Variants in SNAP25 observed in about 807,000 individuals in gnomAD.
SNAP25 encodes synaptosomal-associated protein 25.
A neutral mutation model predicts 28.7 loss-of-function variants in SNAP25; 3 were observed. That is an observed-to-expected ratio of 0.10 (90% CI 0.05 to 0.27). SNAP25 has a LOEUF of 0.27. SNAP25 is among the 10% of genes least tolerant of loss of function. The probability of loss-of-function intolerance (pLI) is 1.00; values close to 1 mark genes in which losing one functional copy is unlikely to be tolerated. For synonymous variants in SNAP25, 61 were observed against 88.1 expected, an observed-to-expected ratio of 0.69 and a Z score of 1.72; for missense variants, 117 against 278.7, an observed-to-expected ratio of 0.42 and a Z score of 4.13.
chr20:10,238,308 T>A (rs959525854), intron 1 of SNAP25, among the ~76,000 whole-genome samples: 1 of 152,204 alleles, frequency 6.6e-6, no homozygotes, highest in African/African-American at 2.4e-5. Flanking sequence ...CAAATTGAAC[T>A]GCTTGATTTG....
At chr20:10,255,776 A>T (rs904837652) in intron 1 of SNAP25, among the ~76,000 whole-genome samples, 1 of 152,196 alleles carries the variant, frequency 6.6e-6, no homozygotes, top group Non-Finnish European at 1.5e-5. Context: ...CTTTGTTAAT[A>T]TGGCTTTGAT....
Position 10,280,285 on chromosome 20 carries a change from T to C in SNAP25, c.114+2559T>C, listed in dbSNP as rs141746580. 2.2e-3 allele frequency among the ~76,000 whole-genome samples: 334 copies of C among 152,288 alleles called. 3 individuals are homozygous for C. The highest frequency in any genetic ancestry group is 7.6e-3 in the African/African-American group (317 of 41,554). On this transcript the variant is annotated intron_variant, in intron 3 of 7. Transcript: ENST00000254976. Reference sequence around the variant, plus strand: ...GTCATCATTATCAGCATCTCAAGGATAGTGTAAAACTACACAGAGGTGAGT... The same window carrying C: ...GTCATCATTATCAGCATCTCAAGGACAGTGTAAAACTACACAGAGGTGAGT...
chr20:10,242,967 G>C (rs978276715), intron 1 of SNAP25, among the ~76,000 whole-genome samples: 1 of 152,196 alleles, frequency 6.6e-6, no homozygotes, highest in Non-Finnish European at 1.5e-5. Flanking sequence ...GGCTCTTCCT[G>C]TCCCCTGCTC....
intron 1 of SNAP25, among the ~76,000 whole-genome samples, chr20:10,241,208 G>C (rs2063025563): frequency 6.6e-6 from 1 of 152,042 alleles, no homozygotes; most frequent in Non-Finnish European, 1.5e-5. Context: ...GGGTGCAGTG[G>C]GGGAAGTGAG....
At chr20:10,294,822 A>T (rs997885749) in intron 5 of SNAP25, among the ~76,000 whole-genome samples, 1 of 151,180 alleles carries the variant, frequency 6.6e-6, no homozygotes, top group Non-Finnish European at 1.5e-5. Context: ...ATTACCAAGC[A>T]TTCCAGTTAG....
intron 1 of SNAP25, among the ~76,000 whole-genome samples, chr20:10,264,628 C>T (rs754982918): frequency 2.0e-5 from 3 of 152,132 alleles, no homozygotes; most frequent in South Asian, 2.1e-4. Context: ...TGGGGAGCCG[C>T]GTTCTTGTGT....
At chr20:10,264,279 G>A (rs1021955135) in intron 1 of SNAP25, among the ~76,000 whole-genome samples, 1 of 152,136 alleles carries the variant, frequency 6.6e-6, no homozygotes, top group East Asian at 1.9e-4. Flanking sequence ...CTTCTCAGAA[G>A]AAACCAGATC....
chr20:10,293,360 A>ATCCTGCC lies in SNAP25; in HGVS notation c.281+83_281+84insCCTGCCT. 1 of 1,019,296 alleles carries ATCCTGCC rather than the reference A, an allele frequency of 9.8e-7. No individual in the cohort carries two copies. The highest frequency in any genetic ancestry group is 1.5e-6 in the Non-Finnish European group (1 of 645,822). 63.1% of individuals were successfully genotyped at this position (1,019,296 alleles called of 1,614,324 possible). On this transcript the variant is annotated intron_variant, in intron 5 of 7. Transcript: ENST00000254976. The surrounding 1 kb of genome is among the most constrained non-coding windows in gnomAD (Gnocchi z 5.6). ...TGACAAGCTCATTCCTGCCAAGCTC[A>ATCCTGCC]TAGGCAGGATGAGCATGTGGCATGC...
At chr20:10,243,075 G>C (rs898978595) in intron 1 of SNAP25, among the ~76,000 whole-genome samples, 1 of 152,200 alleles carries the variant, frequency 6.6e-6, no homozygotes, top group Non-Finnish European at 1.5e-5. Context: ...TGGCTTTACC[G>C]TTCAGCTGTG....
At chr20:10,255,981 A>G (rs753519569) in intron 1 of SNAP25, among the ~76,000 whole-genome samples, 3 of 152,172 alleles carry the variant, frequency 2.0e-5, no homozygotes, top group Non-Finnish European at 4.4e-5. Flanking sequence ...GGCATAAACA[A>G]TGTTTCAAAG....
chr20:10,286,344 T>G (rs1433633999), intron 4 of SNAP25, among the ~76,000 whole-genome samples: 3 of 152,060 alleles, frequency 2.0e-5, no homozygotes, highest in African/African-American at 7.2e-5. Context: ...AAGAGATTTG[T>G]TGGGGAAATG....
chr20:10,247,844 T>A (rs2063156402), intron 1 of SNAP25, among the ~76,000 whole-genome samples: 1 of 152,226 alleles, frequency 6.6e-6, no homozygotes, highest in African/African-American at 2.4e-5. Flanking sequence ...AACTTAAAAC[T>A]TAGAGGCTTC....
At chr20:10,233,135 G>A (rs1264552850) in intron 1 of SNAP25, among the ~76,000 whole-genome samples, 3 of 152,088 alleles carry the variant, frequency 2.0e-5, no homozygotes, top group African/African-American at 7.2e-5. Flanking sequence ...TCTGGTTCAC[G>A]TCTTTCCTCC....
At chr20:10,249,532 C>A (rs2063188370) in intron 1 of SNAP25, among the ~76,000 whole-genome samples, 1 of 152,136 alleles carries the variant, frequency 6.6e-6, no homozygotes, top group South Asian at 2.1e-4. Context: ...AAAAAAATAA[C>A]CCTCCTGTGA....
At chr20:10,301,094 A>G (rs2064224615) in intron 7 of SNAP25, among the ~76,000 whole-genome samples, 1 of 152,216 alleles carries the variant, frequency 6.6e-6, no homozygotes, top group Non-Finnish European at 1.5e-5. Context: ...GTCTTTACTA[A>G]TAGAAGGGTC....
chr20:10,297,812 T>G (rs1184754125), intron 6 of SNAP25, among the ~76,000 whole-genome samples: 1 of 152,146 alleles, frequency 6.6e-6, no homozygotes, highest in Non-Finnish European at 1.5e-5. Flanking sequence ...GGTGATATAG[T>G]CATGAGGTCA....
intron 7 of SNAP25, among the ~76,000 whole-genome samples, chr20:10,304,289 T>G (rs968797026): frequency 6.6e-6 from 1 of 152,210 alleles, no homozygotes; most frequent in African/African-American, 2.4e-5. Context: ...TTAATCTTGA[T>G]GTTGTCAAAG....
At chr20:10,231,166 G>A (rs2062822978) in intron 1 of SNAP25, among the ~76,000 whole-genome samples, 1 of 150,648 alleles carries the variant, frequency 6.6e-6, no homozygotes, top group African/African-American at 2.4e-5. Context: ...TCAGCAATGA[G>A]CTACCACAGA....
At chr20:10,235,869 A>G (rs531390963) in intron 1 of SNAP25, among the ~76,000 whole-genome samples, 19 of 152,320 alleles carry the variant, frequency 1.2e-4, no homozygotes, top group African/African-American at 4.6e-4. Context: ...GTTTCTCAAA[A>G]CAGCAAGAGA....
Sources: gnomAD v4.1 joint callset for allele counts (sites outside exome capture counted in the v4.1 genomes callset) on GRCh38, gnomAD v4.1.1 for gene constraint, Gnocchi (gnomAD v3.1) non-coding constraint, MANE v1.5 for transcripts, NCBI Gene and HGNC (gene_info 2026-07-23, HGNC 2026-07-21) for gene names.